The following GDAP1L1 variants were observed in gnomAD, a reference collection of about 807,000 sequenced individuals.
GDAP1L1 encodes the protein ganglioside induced differentiation associated protein 1 like 1, also known as ganglioside-induced differentiation-associated protein 1-like 1.
In GDAP1L1, 21 loss-of-function variants were observed where a neutral mutation model predicts 37.1. The ratio of observed to expected loss-of-function variants is 0.57; its 90% CI spans 0.40 to 0.81. The LOEUF (loss-of-function observed/expected upper bound fraction) is 0.81, where lower values mean the gene tolerates loss of function less well. Ranked by LOEUF, GDAP1L1 falls within the 40% of genes least tolerant of loss-of-function variation. GDAP1L1 has a pLI of 0.00. For missense variants in GDAP1L1, 362 were observed against 491.6 expected, an observed-to-expected ratio of 0.74 and a Z score of 2.49; for synonymous variants, 193 against 209.1, an observed-to-expected ratio of 0.92 and a Z score of 0.67.
At chr20:44,269,884 T>C (rs1263824428) in intron 5 of GDAP1L1, among the ~76,000 whole-genome samples, 2 of 152,108 alleles carry the variant, frequency 1.3e-5, no homozygotes, top group East Asian at 1.9e-4. Context: ...TGAGCCAAGA[T>C]TGTGCCACTG....
At chr20:44,251,292 G>T (rs531165271) in intron 1 of GDAP1L1, among the ~76,000 whole-genome samples, 2 of 152,288 alleles carry the variant, frequency 1.3e-5, no homozygotes, top group East Asian at 3.9e-4. Context: ...AGTCTCTGAG[G>T]GTCGTCTCTG....
chr20:44,257,678 A>G (rs1480207880), intron 2 of GDAP1L1, among the ~76,000 whole-genome samples: 2 of 151,882 alleles, frequency 1.3e-5, no homozygotes, highest in Admixed American at 6.5e-5. Flanking sequence ...CCCCTTCAGC[A>G]TGAGTGGCCC....
Position 44,279,877 on chromosome 20 carries a change from T to C in GDAP1L1, c.*577T>C, listed in dbSNP as rs2062623927. On this transcript the variant is annotated 3_prime_UTR_variant, in exon 6 of 6. Transcript: ENST00000342560. ...CATGGACTAGCTTGAGCCAAGGCAG[T>C]GGCACCCAAAAACCAGGCTGCAGTG... 2.3e-6 allele frequency: 1 copy of C among 434,866 alleles called. No individual in the cohort carries two copies. The highest frequency in any genetic ancestry group is 2.8e-5 in the Admixed American group (1 of 36,336). The allele number at this position is 434,866 out of a possible 1,614,324, so 26.9% of individuals were successfully genotyped here.
intron 1 of GDAP1L1, among the ~76,000 whole-genome samples, chr20:44,255,723 C>T (rs947428554): frequency 7.9e-5 from 12 of 152,076 alleles, no homozygotes; most frequent in Non-Finnish European, 2.9e-5. Flanking sequence ...TGGGTGGAGA[C>T]ATTGATGCTC....
chr20:44,253,655 T>A (rs1251753642), intron 1 of GDAP1L1, among the ~76,000 whole-genome samples: 5 of 152,178 alleles, frequency 3.3e-5, no homozygotes, highest in African/African-American at 1.2e-4. Flanking sequence ...ACCACCTAGG[T>A]CTGGTCCAGC....
At chr20:44,247,794 T>TGGG (rs915847917) in intron 1 of GDAP1L1, among the ~76,000 whole-genome samples, 1 of 98,750 alleles carries the variant, frequency 1.0e-5, no homozygotes. Flanking sequence ...CGGGGCGGGT[T>TGGG]GGGGGGGCTG....
At chr20:44,269,079 G>A (rs1045670052) in intron 5 of GDAP1L1, among the ~76,000 whole-genome samples, 10 of 152,130 alleles carry the variant, frequency 6.6e-5, no homozygotes, top group Non-Finnish European at 1.5e-4. Context: ...CTGCATTTGC[G>A]GCCAGCAAAT....
At chr20:44,272,724 A>G (rs896645788) in intron 5 of GDAP1L1, among the ~76,000 whole-genome samples, 3 of 152,244 alleles carry the variant, frequency 2.0e-5, no homozygotes, top group African/African-American at 7.2e-5. Flanking sequence ...ACGGACATGC[A>G]TAGAAGGCCA....
At chr20:44,249,664 C>T (rs1174601016) in intron 1 of GDAP1L1, among the ~76,000 whole-genome samples, 2 of 152,210 alleles carry the variant, frequency 1.3e-5, no homozygotes, top group Non-Finnish European at 2.9e-5. Context: ...GAGGTGGCCC[C>T]TGAGTCAGGA....
chr20:44,257,468 G>T, intron 2 of GDAP1L1, 123 bp downstream of exon 2: 5 of 1,020,762 alleles, frequency 4.9e-6, no homozygotes, highest in Non-Finnish European at 7.0e-6. Flanking sequence ...CATGGGCAAG[G>T]CCCAGTCTCC....
chr20:44,277,875 C>A (rs1326582975), intron 5 of GDAP1L1, among the ~76,000 whole-genome samples: 1 of 151,950 alleles, frequency 6.6e-6, no homozygotes, highest in Non-Finnish European at 1.5e-5. Flanking sequence ...ATGGTGGGGC[C>A]GGGCGCAGTG....
intron 1 of GDAP1L1, among the ~76,000 whole-genome samples, chr20:44,252,237 C>T (rs1222820394): frequency 6.6e-6 from 1 of 152,222 alleles, no homozygotes; most frequent in Non-Finnish European, 1.5e-5. Context: ...CCCGGCCAGG[C>T]GTGGTGGCTC....
chr20:44,277,943 C>T (rs373393064), intron 5 of GDAP1L1, among the ~76,000 whole-genome samples: 1 of 152,026 alleles, frequency 6.6e-6, no homozygotes, highest in African/African-American at 2.4e-5. Context: ...CACCTGAGGT[C>T]AGGAGTTCAA....
In GDAP1L1 at chr20:44,279,414, C is replaced by T. The variant is rs532177970; in HGVS notation, c.*114C>T. 69 of 743,500 alleles carry T rather than the reference C, an allele frequency of 9.3e-5. No homozygotes were observed. Among genetic ancestry groups the T allele is most frequent in the South Asian group, 2.5e-4 (16 of 63,788 alleles). The allele number at this position is 743,500 out of a possible 1,614,324, so 46.1% of individuals were successfully genotyped here. A position where few individuals can be genotyped will look rare whatever the true frequency, so the allele number is the denominator to read the frequency against. On this transcript the variant is annotated 3_prime_UTR_variant, in exon 6 of 6. Transcript: ENST00000342560. ...CACTTGGACAGCCCTCCCCGCCCTT[C>T]GTTCTGAGTAATAATACCGTCAGTG...
Position 44,258,443 on chromosome 20 carries a change from T to C in GDAP1L1, c.383T>C (p.Val128Ala). The C allele has an allele frequency of 6.4e-7, 1 of 1,551,238 alleles. No homozygotes were observed. Among genetic ancestry groups the C allele is most frequent in the Non-Finnish European group, 8.7e-7 (1 of 1,147,444 alleles). ...CTGGCGGTGCCCACAGAGCACGTGG[T>C]GGCCCTGATGCCCGAGGTGGGCAGC... Reference protein sequence around the residue: ...VERTFTGEHVVALMPEVGSLQ... With the variant: ...VERTFTGEHVAALMPEVGSLQ... Residue 128 changes from valine to alanine, a missense_variant, in exon 3 of 6, where the codon GTG becomes GCG. Around this residue, in one of 2 missense-constraint regions of GDAP1L1, gnomAD observed 277 missense variants for 337.1 expected, o/e 0.82. Transcript: ENST00000342560.
intron 1 of GDAP1L1, among the ~76,000 whole-genome samples, chr20:44,253,065 C>T (rs1478597957): frequency 1.3e-5 from 2 of 152,190 alleles, no homozygotes; most frequent in African/African-American, 4.8e-5. Flanking sequence ...AGAGGCCTGC[C>T]CTAATAGACC....
At position 44,279,622 on chromosome 20, in the gene GDAP1L1, G is replaced by A; in HGVS notation, c.*322G>A. The A allele has an allele frequency of 4.0e-6, 2 of 498,810 alleles. No homozygotes were observed. The highest frequency in any genetic ancestry group is 8.1e-6 in the Non-Finnish European group (2 of 245,942). The allele number at this position is 498,810 out of a possible 1,614,324, so 30.9% of individuals were successfully genotyped here. A position where few individuals can be genotyped will look rare whatever the true frequency, so the allele number is the denominator to read the frequency against. On this transcript the variant is annotated 3_prime_UTR_variant, in exon 6 of 6. Coordinates refer to ENST00000342560, the MANE Select transcript of GDAP1L1 (RefSeq NM_024034.6). ...CTGTGGAGACTGGTTAGGATCTGAGGTGAGTCCCAGGATGTTTCGTCCACC... is the reference window on the plus strand; with the variant it reads ...CTGTGGAGACTGGTTAGGATCTGAGATGAGTCCCAGGATGTTTCGTCCACC...
Position 44,257,197 on chromosome 20 carries a change from G to C in GDAP1L1, c.225G>C (p.Arg75=), listed in dbSNP as rs371539000. The C allele has an allele frequency of 6.2e-7, 1 of 1,608,784 alleles. No individual in the cohort carries two copies. Among genetic ancestry groups the C allele is most frequent in the Non-Finnish European group, 8.5e-7 (1 of 1,178,282 alleles). ...AGAAGGGCCTGGTGTGCGAGGAGCG[G>C]GACGTGAGCCTGCCACAGAGCGAGC... ...IAEKGLVCEE[R]DVSLPQSEHK... Residue 75 remains arginine (R), a synonymous_variant, in exon 2 of 6, where the codon CGG becomes CGC. Transcript: ENST00000342560.
At chr20:44,277,110 C>T (rs544802241) in intron 5 of GDAP1L1, among the ~76,000 whole-genome samples, 25 of 152,166 alleles carry the variant, frequency 1.6e-4, no homozygotes, top group South Asian at 6.2e-4. Flanking sequence ...CTGCAACTTC[C>T]GCCTCCCGGG....
Sources: allele counts gnomAD v4.1 joint callset (sites outside exome capture counted in the v4.1 genomes callset), GRCh38; gene constraint gnomAD v4.1.1; regional missense constraint gnomAD v4.1.1; transcripts MANE v1.5; gene names NCBI Gene and HGNC (gene_info 2026-07-23, HGNC 2026-07-21).